Variants in WDR7 observed in about 807,000 individuals in gnomAD.
WDR7 encodes WD repeat domain 7.
A neutral mutation model predicts 169.4 loss-of-function variants in WDR7; 46 were observed. The ratio of observed to expected loss-of-function variants is 0.27; its 90% CI spans 0.21 to 0.35. WDR7 has a LOEUF of 0.35. Ranked by LOEUF, WDR7 falls within the 10% of genes least tolerant of loss-of-function variation. The probability of loss-of-function intolerance (pLI) is 1.00; values close to 1 mark genes in which losing one functional copy is unlikely to be tolerated. For missense variants in WDR7, 1,534 were observed against 1,859.3 expected (o/e 0.83, Z 3.22); for synonymous variants, 612 against 666.8 (o/e 0.92, Z 1.27).
intron 20 of WDR7, chr18:56,872,623 T>G (rs1032273228): frequency 2.6e-5 from 4 of 152,180 alleles, no homozygotes; most frequent in African/African-American, 9.6e-5. Flanking sequence ...ACATGTATTC[T>G]GTTTGCAACT....
chr18:56,949,128 GTCTCTCTC>G (rs10537966), intron 25 of WDR7, among the ~76,000 whole-genome samples: 9 of 143,526 alleles, frequency 6.3e-5, no homozygotes, highest in African/African-American at 1.9e-4. Context: ...GTTTTCTAAA[GTCTCTCTC>G]TCTCTCTCTC....
At chr18:56,899,836 G>GT (rs2046376811) in intron 21 of WDR7, among the ~76,000 whole-genome samples, 1 of 151,940 alleles carries the variant, frequency 6.6e-6, no homozygotes, top group South Asian at 2.1e-4. Context: ...GAATAAAGGA[G>GT]TTTTATATTT....
chr18:56,751,852 A>G (rs1413714279), intron 14 of WDR7, among the ~76,000 whole-genome samples: 1 of 152,228 alleles, frequency 6.6e-6, no homozygotes, highest in African/African-American at 2.4e-5. Flanking sequence ...TATGAGAAAT[A>G]AAAGGGTAAT....
chr18:56,855,248 C>T (rs1444571974), intron 20 of WDR7, among the ~76,000 whole-genome samples: 3 of 151,668 alleles, frequency 2.0e-5, no homozygotes, highest in Non-Finnish European at 4.4e-5. Flanking sequence ...TTTTTTCCCC[C>T]CATTGGATGG....
At chr18:56,784,429 C>T (rs2044363749) in intron 19 of WDR7, among the ~76,000 whole-genome samples, 1 of 152,120 alleles carries the variant, frequency 6.6e-6, no homozygotes, top group African/African-American at 2.4e-5. Flanking sequence ...CTCACCCTTC[C>T]TCCACCCTTC....
intron 2 of WDR7, 70 bp downstream of exon 2, chr18:56,672,744 C>A: frequency 7.1e-7 from 1 of 1,399,304 alleles, no homozygotes; most frequent in Non-Finnish European, 9.4e-7. Flanking sequence ...AATATAGTCC[C>A]CAAATGATGC....
Position 57,027,615 on chromosome 18 carries a change from G to A in WDR7, c.*408G>A. ...ACCTCTGAAGTGCTGCTTGAATCTG[G>A]CCGTTCTGACACTGGGTGTTGAGGT... On this transcript the variant is annotated 3_prime_UTR_variant, in exon 28 of 28. Coordinates refer to ENST00000254442, the MANE Select transcript of WDR7 (RefSeq NM_015285.3). The A allele has an allele frequency of 5.1e-6, 1 of 196,904 alleles. No individual in the cohort carries two copies. Among genetic ancestry groups the A allele is most frequent in the Non-Finnish European group, 1.0e-5 (1 of 97,388 alleles). The allele number at this position is 196,904 out of a possible 1,614,324, so 12.2% of individuals were successfully genotyped here.
intron 5 of WDR7, 95 bp from the exon 6 acceptor site, chr18:56,685,861 A>G (rs1205817100): frequency 1.1e-5 from 10 of 936,232 alleles, no homozygotes; most frequent in Admixed American, 5.4e-5. Context: ...AAAACATGCT[A>G]TTGTTTAATT....
intron 21 of WDR7, among the ~76,000 whole-genome samples, chr18:56,912,696 T>C (rs1199582040): frequency 6.6e-6 from 1 of 152,074 alleles, no homozygotes. Context: ...CCTTGACACT[T>C]TCTTCACTTG....
At chr18:56,701,839 G>C (rs568523912) in intron 12 of WDR7, among the ~76,000 whole-genome samples, 78 of 152,188 alleles carry the variant, frequency 5.1e-4, no homozygotes, top group African/African-American at 1.9e-3. Context: ...CCAGCTTTTT[G>C]GTTCCCTTAA....
intron 20 of WDR7, among the ~76,000 whole-genome samples, chr18:56,859,317 T>G (rs552324618): frequency 1.3e-5 from 2 of 152,324 alleles, no homozygotes; most frequent in South Asian, 4.1e-4. Flanking sequence ...CTAATTTTTA[T>G]TGTTTCTTTA....
chr18:56,908,249 A>G (rs1314212104), intron 21 of WDR7, among the ~76,000 whole-genome samples: 1 of 152,156 alleles, frequency 6.6e-6, no homozygotes, highest in Non-Finnish European at 1.5e-5. Context: ...AGGCTGGGAA[A>G]CCAGTTTTTG....
chr18:56,802,607 A>G (rs2044697517), intron 19 of WDR7, among the ~76,000 whole-genome samples: 1 of 150,470 alleles, frequency 6.6e-6, no homozygotes, highest in South Asian at 2.1e-4. Flanking sequence ...TGACCTCGTG[A>G]TACACCCATC....
At chr18:56,939,767 C>T (rs1034635586) in intron 25 of WDR7, among the ~76,000 whole-genome samples, 2 of 151,996 alleles carry the variant, frequency 1.3e-5, no homozygotes, top group Non-Finnish European at 2.9e-5. Flanking sequence ...CTTTGTGCCA[C>T]GCTTTCACTG....
At chr18:56,803,429 T>C (rs1355731931) in intron 19 of WDR7, among the ~76,000 whole-genome samples, 1 of 152,182 alleles carries the variant, frequency 6.6e-6, no homozygotes, top group African/African-American at 2.4e-5. Flanking sequence ...AAAATAACAT[T>C]TTTTGGCAGT....
At chr18:56,753,042 G>A (rs1413093575) in intron 14 of WDR7, among the ~76,000 whole-genome samples, 1 of 152,132 alleles carries the variant, frequency 6.6e-6, no homozygotes, top group Non-Finnish European at 1.5e-5. Flanking sequence ...GATGTTTTGT[G>A]CTTTGCAGGT....
intron 25 of WDR7, among the ~76,000 whole-genome samples, chr18:56,952,414 C>T (rs957646229): frequency 1.3e-5 from 2 of 152,192 alleles, no homozygotes; most frequent in African/African-American, 4.8e-5. Flanking sequence ...TATATGATTA[C>T]CAACCATTGT....
chr18:56,888,207 G>A (rs2046222290), intron 21 of WDR7, among the ~76,000 whole-genome samples: 1 of 152,172 alleles, frequency 6.6e-6, no homozygotes, highest in South Asian at 2.1e-4. Flanking sequence ...GCCATACTTA[G>A]TTTTGTAACG....
chr18:56,929,100 A>G (rs2046845688), intron 22 of WDR7, among the ~76,000 whole-genome samples: 2 of 152,152 alleles, frequency 1.3e-5, no homozygotes, highest in Middle Eastern at 3.4e-3. Context: ...TGGGCAACAT[A>G]GTGAGAACCT....
Sources: allele counts gnomAD v4.1 joint callset (sites outside exome capture counted in the v4.1 genomes callset), GRCh38; gene constraint gnomAD v4.1.1; transcripts MANE v1.5; gene names NCBI Gene and HGNC (gene_info 2026-07-23, HGNC 2026-07-21).